Variants in NKAIN2 observed in about 807,000 individuals in gnomAD.
NKAIN2 encodes the protein sodium/potassium transporting ATPase interacting 2.
A neutral mutation model predicts 32.6 loss-of-function variants in NKAIN2; 14 were observed. The observed-to-expected ratio is 0.43, with a 90% CI of 0.28 to 0.67. The LOEUF is 0.67. Ranked by LOEUF, NKAIN2 falls within the 30% of genes least tolerant of loss-of-function variation. The probability of loss-of-function intolerance (pLI) is 0.17; values close to 1 mark genes in which losing one functional copy is unlikely to be tolerated. For synonymous variants in NKAIN2, 80 were observed against 87.2 expected, an observed-to-expected ratio of 0.92 and a Z score of 0.46; for missense variants, 198 against 258.3, an observed-to-expected ratio of 0.77 and a Z score of 1.60.
chr6:124,010,797 A>G (rs531941592), intron 1 of NKAIN2, among the ~76,000 whole-genome samples: 13 of 152,230 alleles, frequency 8.5e-5, no homozygotes, highest in African/African-American at 3.1e-4. Flanking sequence ...CACATTTACT[A>G]TCTTATGATT....
intron 1 of NKAIN2, among the ~76,000 whole-genome samples, chr6:124,171,317 A>G (rs1788842762): frequency 6.6e-6 from 1 of 152,104 alleles, no homozygotes; most frequent in Non-Finnish European, 1.5e-5. Flanking sequence ...TTTAGGACCT[A>G]GAGATTTTCA....
At chr6:124,259,429 G>C (rs1320475813) in intron 1 of NKAIN2, among the ~76,000 whole-genome samples, 1 of 152,084 alleles carries the variant, frequency 6.6e-6, no homozygotes, top group Non-Finnish European at 1.5e-5. Flanking sequence ...ACCCAAATTA[G>C]GCAAATGTAA....
intron 4 of NKAIN2, among the ~76,000 whole-genome samples, chr6:124,710,895 C>G (rs901861870): frequency 6.7e-6 from 1 of 150,268 alleles, no homozygotes; most frequent in Non-Finnish European, 1.5e-5. Flanking sequence ...GCTTATTTTG[C>G]TCGTTAGTTG....
intron 4 of NKAIN2, among the ~76,000 whole-genome samples, chr6:124,723,373 G>A (rs1776118948): frequency 1.3e-5 from 2 of 152,282 alleles, no homozygotes; most frequent in South Asian, 2.1e-4. Context: ...TTCAATGGGA[G>A]GGGTGAGTAT....
chr6:124,734,922 A>ATGG (rs1776863670), intron 4 of NKAIN2, among the ~76,000 whole-genome samples: 1 of 151,896 alleles, frequency 6.6e-6, no homozygotes, highest in African/African-American at 2.4e-5. Context: ...AATACTTCAC[A>ATGG]TGGTGTATTT....
At chr6:124,692,377 G>A (rs987027483) in intron 4 of NKAIN2, among the ~76,000 whole-genome samples, 13 of 151,848 alleles carry the variant, frequency 8.6e-5, no homozygotes, top group African/African-American at 1.5e-4. Context: ...TCACCCTCCC[G>A]TTTTGTTATA....
chr6:123,963,020 G>A (rs1336404737), intron 1 of NKAIN2, among the ~76,000 whole-genome samples: 2 of 152,100 alleles, frequency 1.3e-5, no homozygotes, highest in Non-Finnish European at 2.9e-5. Context: ...GTGGTGGTGG[G>A]TGGTCCTGAC....
chr6:124,477,711 T>TCA (rs1777280735), intron 3 of NKAIN2, among the ~76,000 whole-genome samples: 1 of 4,406 alleles, frequency 2.3e-4, no homozygotes, highest in African/African-American at 1.2e-3. Context: ...TCCCTCCCCC[T>TCA]TACTCTTCCC....
At chr6:123,804,473 C>G (rs200672045) in intron 1 of NKAIN2, among the ~76,000 whole-genome samples, 1 of 150,626 alleles carries the variant, frequency 6.6e-6, no homozygotes, top group Non-Finnish European at 1.5e-5. Context: ...CCTTTTAAGA[C>G]AGTTTGGCAG....
chr6:123,816,605 A>C (rs1304485434), intron 1 of NKAIN2, among the ~76,000 whole-genome samples: 1 of 152,192 alleles, frequency 6.6e-6, no homozygotes, highest in Non-Finnish European at 1.5e-5. Context: ...GGCTTATGAG[A>C]GCTCTAAGAT....
At chr6:124,244,075 T>TA (rs1209491232) in intron 1 of NKAIN2, among the ~76,000 whole-genome samples, 90 of 143,200 alleles carry the variant, frequency 6.3e-4, no homozygotes, top group African/African-American at 1.2e-3. Flanking sequence ...TCTTTTTTTT[T>TA]TAATAATTTA....
At position 124,739,801 on chromosome 6, in the gene NKAIN2, G is replaced by A. The variant is rs182304791; in HGVS notation, c.475-51538G>A. ...ACACTTCATGATTCAAAAACAGCCC[G>A]TGTGTTCCTGCTTCCTTTTATCCTG... On this transcript the variant is annotated intron_variant, in intron 4 of 6. Transcript: ENST00000368417. Among the ~76,000 whole-genome samples, 192 of 151,984 alleles carry A rather than the reference G, an allele frequency of 1.3e-3. 1 individual carries two copies. Among genetic ancestry groups the A allele is most frequent in the African/African-American group, 3.4e-3 (143 of 41,494 alleles).
At chr6:124,753,179 G>A (rs1408712025) in intron 4 of NKAIN2, among the ~76,000 whole-genome samples, 1 of 152,074 alleles carries the variant, frequency 6.6e-6, no homozygotes, top group African/African-American at 2.4e-5. Context: ...TCATGTTAGT[G>A]ATTGTACCAA....
intron 1 of NKAIN2, among the ~76,000 whole-genome samples, chr6:123,863,305 G>T (rs1775859655): frequency 6.6e-6 from 1 of 152,138 alleles, no homozygotes; most frequent in African/African-American, 2.4e-5. Context: ...TTCTAATTAG[G>T]TTTATAGATA....
At chr6:124,050,549 C>T (rs1324831727) in intron 1 of NKAIN2, among the ~76,000 whole-genome samples, 1 of 151,930 alleles carries the variant, frequency 6.6e-6, no homozygotes, top group Non-Finnish European at 1.5e-5. Context: ...CCTTGTATAA[C>T]TCTATTGTAC....
intron 3 of NKAIN2, among the ~76,000 whole-genome samples, chr6:124,615,408 T>A (rs1269031450): frequency 6.6e-6 from 1 of 152,210 alleles, no homozygotes; most frequent in African/African-American, 2.4e-5. Flanking sequence ...CTCTTCAGAA[T>A]ACGATAACAG....
chr6:124,102,938 G>A (rs751855810), intron 1 of NKAIN2, among the ~76,000 whole-genome samples: 8 of 152,044 alleles, frequency 5.3e-5, no homozygotes, highest in Non-Finnish European at 8.8e-5. Flanking sequence ...TTGATCGATC[G>A]ATTATCTGCT....
chr6:124,475,418 G>A (rs1193459534), intron 3 of NKAIN2, among the ~76,000 whole-genome samples: 1 of 152,070 alleles, frequency 6.6e-6, no homozygotes, highest in African/African-American at 2.4e-5. Flanking sequence ...GGTTAAGCTT[G>A]AAAATTTAAC....
chr6:123,910,321 T>G (rs988445380), intron 1 of NKAIN2, among the ~76,000 whole-genome samples: 13 of 152,164 alleles, frequency 8.5e-5, no homozygotes, highest in African/African-American at 2.9e-4. Flanking sequence ...GACTTGATTT[T>G]TACAACACCC....
Sources: gnomAD v4.1 joint callset for allele counts (sites outside exome capture counted in the v4.1 genomes callset) on GRCh38, gnomAD v4.1.1 for gene constraint, MANE v1.5 for transcripts, NCBI Gene and HGNC (gene_info 2026-07-23, HGNC 2026-07-21) for gene names.